The following PARD6A variants were observed in gnomAD, a reference collection of about 807,000 sequenced individuals.
The protein encoded by PARD6A is par-6 family cell polarity regulator alpha, also known as partitioning defective 6 homolog alpha.
PARD6A carries 20 observed loss-of-function variants against 21.3 expected under a neutral mutation model. That is an observed-to-expected ratio of 0.94 (90% confidence interval 0.66 to 1.36). PARD6A has a LOEUF of 1.36. Among genes scored for constraint, PARD6A ranks in the 40% most tolerant of loss-of-function variants. PARD6A has a pLI of 0.00. For missense variants in PARD6A, 411 were observed against 482.0 expected (o/e 0.85, Z 1.38); for synonymous variants, 214 against 204.8 (o/e 1.04, Z -0.38).
rs763498443 is a variant in PARD6A, at chr16:67,662,572, C to T, written c.963C>T (p.Ser321=). 1 of 1,612,618 alleles carries T rather than the reference C, an allele frequency of 6.2e-7. No homozygotes were observed. The highest frequency in any genetic ancestry group is 8.5e-7 in the Non-Finnish European group (1 of 1,179,848). Residue 321 remains serine, a synonymous_variant, in exon 3 of 3, where the codon TCC becomes TCT. Coordinates refer to ENST00000458121, the MANE Select transcript of PARD6A (RefSeq NM_001037281.2). The surrounding 1 kb of genome is among the most constrained non-coding windows in gnomAD (Gnocchi z 6.9). ...CTGGTACCCGCAGCTCTCTGCCCTC[C>T]CTGGATGACCAGGAGCAGGCCAGTT... ...RHPGTRSSLP[S]LDDQEQASSG...
chr16:67,661,835 G>A lies in PARD6A; in HGVS notation c.287-61G>A, dbSNP rs1259528264. The A allele has an allele frequency of 4.5e-6, 7 of 1,539,782 alleles. No homozygotes were observed. The highest frequency in any genetic ancestry group is 6.1e-6 in the Non-Finnish European group (7 of 1,150,774). On this transcript the variant is annotated intron_variant, in intron 2 of 2. Transcript: ENST00000458121. The surrounding 1 kb of genome is among the most constrained non-coding windows in gnomAD (Gnocchi z 7.0). ...GTAGGAAATAGCTACAGTGCCCCCT[G>A]TAAACAGCCCAAGTCGGGGAGCAGG...
In PARD6A at chr16:67,662,446, T is replaced by A; in HGVS notation, c.837T>A (p.Asp279Glu). The A allele has an allele frequency of 2.5e-6, 4 of 1,613,716 alleles. No individual in the cohort carries two copies. Among genetic ancestry groups the A allele is most frequent in the Non-Finnish European group, 3.4e-6 (4 of 1,179,940 alleles). ...GGCCTGCTGAGCCTGATAGTGACGATGACAGCAGTGACCTGGTCATTGAGA... is the reference window on the plus strand; with the variant it reads ...GGCCTGCTGAGCCTGATAGTGACGAAGACAGCAGTGACCTGGTCATTGAGA... Reference protein sequence around the residue: ...GPGPAEPDSDDDSSDLVIENR... With the variant: ...GPGPAEPDSDEDSSDLVIENR... The change falls in exon 3 of 3, where the codon GAT becomes GAA. Residue 279 changes from aspartate to glutamate, a missense_variant. Transcript: ENST00000458121. This position sits in a 1 kb window ranked among gnomAD's most constrained non-coding sequence, Gnocchi z 6.9.
Position 67,662,025 on chromosome 16 carries a change from G to A in PARD6A, c.416G>A (p.Arg139His), listed in dbSNP as rs776418775. The change falls in exon 3 of 3, where the codon CGC (arginine) becomes CAC (histidine). Residue 139 changes from arginine (R) to histidine (H), a missense_variant. By Grantham distance (29) the Arg-to-His change is conservative. Coordinates refer to ENST00000458121, the MANE Select transcript of PARD6A (RefSeq NM_001037281.2). The surrounding 1 kb of genome is among the most constrained non-coding windows in gnomAD (Gnocchi z 6.9). ...PLLISLPQDF[R>H]QVSSVIDVDL... ...CTAATCAGCCTGCCCCAAGATTTCC[G>A]CCAGGTTTCCTCAGTCATAGACGTG... 11 of 1,613,704 alleles carry A rather than the reference G, an allele frequency of 6.8e-6. No homozygotes were observed. The highest frequency in any genetic ancestry group is 4.0e-5 in the African/African-American group (3 of 74,936).
Position 67,661,699 on chromosome 16 carries a change from A to T in PARD6A, c.286+22A>T. The stretch of plus-strand genomic sequence containing the variant: ...CGGGGTGAGGAGGGGTACAGTGGGC[A>T]GCCTCTGTGGGGTAAGGTGTCTGTG... On this transcript the variant is annotated intron_variant, in intron 2 of 2. Transcript: ENST00000458121. The surrounding 1 kb of genome is among the most constrained non-coding windows in gnomAD (Gnocchi z 7.0). The T allele has an allele frequency of 6.2e-7, 1 of 1,602,450 alleles. No homozygotes were observed. The highest frequency in any genetic ancestry group is 8.5e-7 in the Non-Finnish European group (1 of 1,178,830).
Position 67,660,966 on chromosome 16 carries a change from G to C in PARD6A, c.-73G>C, listed in dbSNP as rs887175410. 8.3e-5 allele frequency: 41 copies of C among 494,960 alleles called. No homozygotes were observed. In the Admixed American group the frequency reaches 1.2e-3, roughly 15 times the overall value. 30.7% of individuals were successfully genotyped at this position (494,960 alleles called of 1,614,324 possible). A position where few individuals can be genotyped will look rare whatever the true frequency, so the allele number is the denominator to read the frequency against. ...CCGCCAGGGGCGGGGCGGCGCGGGC[G>C]GGCCGGCCGGGCTGTGCACCTGCGC... On this transcript the variant is annotated 5_prime_UTR_variant, in exon 1 of 3. Coordinates refer to ENST00000458121, the MANE Select transcript of PARD6A (RefSeq NM_001037281.2).
At position 67,661,706 on chromosome 16, in the gene PARD6A, G is replaced by A. The variant is rs2053020874; in HGVS notation, c.286+29G>A. ...AGGAGGGGTACAGTGGGCAGCCTCT[G>A]TGGGGTAAGGTGTCTGTGGGGCAGG... is the stretch of plus-strand genomic sequence containing the variant. On this transcript the variant is annotated intron_variant, in intron 2 of 2. Transcript: ENST00000458121. The surrounding 1 kb of genome is among the most constrained non-coding windows in gnomAD (Gnocchi z 7.0). The A allele has an allele frequency of 6.3e-7, 1 of 1,598,488 alleles. No individual in the cohort carries two copies. The highest frequency in any genetic ancestry group is 8.5e-7 in the Non-Finnish European group (1 of 1,177,342).
At position 67,662,712 on chromosome 16, in the gene PARD6A, GT is replaced by G; in HGVS notation, c.*70del. The G allele has an allele frequency of 2.1e-6, 3 of 1,401,788 alleles. No individual in the cohort carries two copies. The highest frequency in any genetic ancestry group is 2.8e-6 in the Non-Finnish European group (3 of 1,058,982). 86.8% of individuals were successfully genotyped at this position (1,401,788 alleles called of 1,614,324 possible). A position where few individuals can be genotyped will look rare whatever the true frequency, so the allele number is the denominator to read the frequency against. On this transcript the variant is annotated 3_prime_UTR_variant, in exon 3 of 3. Coordinates refer to ENST00000458121, the MANE Select transcript of PARD6A (RefSeq NM_001037281.2). The surrounding 1 kb of genome is among the most constrained non-coding windows in gnomAD (Gnocchi z 6.9). ...ACATGGCAGGGACTTCACAGTGGGG[GT>G]TTTTAGCTGGCTCACAGGGCTCCCT...
chr16:67,662,348 C>G lies in PARD6A; in HGVS notation c.739C>G (p.Pro247Ala). 1 of 1,614,116 alleles carries G rather than the reference C, an allele frequency of 6.2e-7. No homozygotes were observed. Among genetic ancestry groups the G allele is most frequent in the Non-Finnish European group, 8.5e-7 (1 of 1,180,036 alleles). The change falls in exon 3 of 3, where the codon CCC (proline) becomes GCC (alanine). Residue 247 changes from proline to alanine, a missense_variant. Coordinates refer to ENST00000458121, the MANE Select transcript of PARD6A (RefSeq NM_001037281.2). The surrounding 1 kb of genome is among the most constrained non-coding windows in gnomAD (Gnocchi z 6.9). ...NSHNLIVTVK[P>A]ANQRNNVVRG... is the part of the protein sequence containing the mutation. The stretch of plus-strand genomic sequence containing the variant: ...CCATAACCTCATTGTCACTGTCAAG[C>G]CCGCCAACCAGCGCAATAACGTGGT...
In PARD6A at chr16:67,662,465, A is replaced by AT; in HGVS notation, c.858dup (p.Glu287Ter). 1 of 1,613,566 alleles carries AT rather than the reference A, an allele frequency of 6.2e-7. No homozygotes were observed. Among genetic ancestry groups the AT allele is most frequent in the Non-Finnish European group, 8.5e-7 (1 of 1,179,924 alleles). ...TGACGATGACAGCAGTGACCTGGTCATTGAGAACCGCCAGCCTCCCAGTTC... is the reference window on the plus strand; with the variant it reads ...TGACGATGACAGCAGTGACCTGGTCATTTGAGAACCGCCAGCCTCCCAGTTC... On this transcript the variant is annotated frameshift_variant, in exon 3 of 3. Coordinates refer to ENST00000458121, the MANE Select transcript of PARD6A (RefSeq NM_001037281.2). LOFTEE classifies it high-confidence loss of function. The surrounding 1 kb of genome is among the most constrained non-coding windows in gnomAD (Gnocchi z 6.9).
Position 67,661,646 on chromosome 16 carries a change from C to A in PARD6A, c.255C>A (p.Pro85=). ...TGCACCGGGCCCTGGCCAGCGGGCC[C>A]CCGCCACTGCGCCTACTGGTGCAGA... ...DSLHRALASG[P]PPLRLLVQKR... Residue 85 remains proline, a synonymous_variant, in exon 2 of 3, where the codon CCC becomes CCA. Coordinates refer to ENST00000458121, the MANE Select transcript of PARD6A (RefSeq NM_001037281.2). This position sits in a 1 kb window ranked among gnomAD's most constrained non-coding sequence, Gnocchi z 7.0. 1 of 1,608,208 alleles carries A rather than the reference C, an allele frequency of 6.2e-7. No individual in the cohort carries two copies. The highest frequency in any genetic ancestry group is 1.1e-5 in the South Asian group (1 of 91,046).
In PARD6A at chr16:67,662,554, C is replaced by G; in HGVS notation, c.945C>G (p.Thr315=). ...ACCCTGGCTGCCGACATCCTGGTAC[C>G]CGCAGCTCTCTGCCCTCCCTGGATG... ...DLHPGCRHPG[T]RSSLPSLDDQ... Residue 315 remains threonine, a synonymous_variant, in exon 3 of 3, where the codon ACC becomes ACG. Transcript: ENST00000458121. This position sits in a 1 kb window ranked among gnomAD's most constrained non-coding sequence, Gnocchi z 6.9. 1 of 1,613,080 alleles carries G rather than the reference C, an allele frequency of 6.2e-7. No homozygotes were observed. The highest frequency in any genetic ancestry group is 8.5e-7 in the Non-Finnish European group (1 of 1,179,982).
Position 67,661,529 on chromosome 16 carries a change from G to A in PARD6A, c.138G>A (p.Leu46=). The stretch of plus-strand genomic sequence containing the variant: ...GCTTCCAGGAGTTCTCGCGGTTGCT[G>A]CGGGCGGTGCACCAGATCCCGGGCC... ...VSGFQEFSRL[L]RAVHQIPGLD... is the part of the protein sequence containing the mutation. Residue 46 remains leucine (L), a synonymous_variant, in exon 2 of 3, where the codon CTG becomes CTA. Coordinates refer to ENST00000458121, the MANE Select transcript of PARD6A (RefSeq NM_001037281.2). This position sits in a 1 kb window ranked among gnomAD's most constrained non-coding sequence, Gnocchi z 7.0. 1 of 1,610,190 alleles carries A rather than the reference G, an allele frequency of 6.2e-7. No homozygotes were observed. Among genetic ancestry groups the A allele is most frequent in the Non-Finnish European group, 8.5e-7 (1 of 1,179,982 alleles).
rs754074047 is a variant in PARD6A at position 67,661,497 on chromosome 16, G to T, written c.106G>T (p.Val36Leu). Reference sequence around the variant, plus strand: ...ACGCTTCGCGCTGCCTCGCGCTTCGGTGAGCGGCTTCCAGGAGTTCTCGCG... The same window carrying T: ...ACGCTTCGCGCTGCCTCGCGCTTCGTTGAGCGGCTTCCAGGAGTTCTCGCG... Reference protein sequence around the residue: ...FRRFALPRASVSGFQEFSRLL... With the variant: ...FRRFALPRASLSGFQEFSRLL... Residue 36 changes from valine to leucine, a missense_variant, in exon 2 of 3, where the codon GTG becomes TTG. Coordinates refer to ENST00000458121, the MANE Select transcript of PARD6A (RefSeq NM_001037281.2). The surrounding 1 kb of genome is among the most constrained non-coding windows in gnomAD (Gnocchi z 7.0). 6.2e-7 allele frequency: 1 copy of T among 1,609,656 alleles called. No individual in the cohort carries two copies. Among genetic ancestry groups the T allele is most frequent in the South Asian group, 1.1e-5 (1 of 91,086 alleles).
In PARD6A at chr16:67,661,529, G is replaced by C. The variant is rs781313616; in HGVS notation, c.138G>C (p.Leu46=). 1 of 1,610,072 alleles carries C rather than the reference G, an allele frequency of 6.2e-7. No homozygotes were observed. Among genetic ancestry groups the C allele is most frequent in the African/African-American group, 1.3e-5 (1 of 74,930 alleles). ...GCTTCCAGGAGTTCTCGCGGTTGCTGCGGGCGGTGCACCAGATCCCGGGCC... is the reference window on the plus strand; with the variant it reads ...GCTTCCAGGAGTTCTCGCGGTTGCTCCGGGCGGTGCACCAGATCCCGGGCC... ...VSGFQEFSRL[L]RAVHQIPGLD... Residue 46 remains leucine (L), a synonymous_variant, in exon 2 of 3, where the codon CTG becomes CTC. Transcript: ENST00000458121. This position sits in a 1 kb window ranked among gnomAD's most constrained non-coding sequence, Gnocchi z 7.0.
rs1317082160 is a variant in PARD6A at position 67,662,647 on chromosome 16, ACAGT to A, written c.*4_*7del. The A allele has an allele frequency of 2.0e-5, 31 of 1,555,428 alleles. No homozygotes were observed. The highest frequency in any genetic ancestry group is 2.7e-5 in the African/African-American group (2 of 74,006). On this transcript the variant is annotated 3_prime_UTR_variant, in exon 3 of 3. Coordinates refer to ENST00000458121, the MANE Select transcript of PARD6A (RefSeq NM_001037281.2). This position sits in a 1 kb window ranked among gnomAD's most constrained non-coding sequence, Gnocchi z 6.9. ...GAGATGGTAGTGGCTTCAGCCTCTG[ACAGT>A]CAGGATGAAGCCCCATGCCACTCCA...
At position 67,661,683 on chromosome 16, in the gene PARD6A, G is replaced by A. The variant is rs1567644575; in HGVS notation, c.286+6G>A. On this transcript the variant is annotated splice_donor_region_variant and intron_variant, in intron 2 of 2. Coordinates refer to ENST00000458121, the MANE Select transcript of PARD6A (RefSeq NM_001037281.2). This position sits in a 1 kb window ranked among gnomAD's most constrained non-coding sequence, Gnocchi z 7.0. ...CCTACTGGTGCAGAAGCGGGGTGAG[G>A]AGGGGTACAGTGGGCAGCCTCTGTG... 3 of 1,605,852 alleles carry A rather than the reference G, an allele frequency of 1.9e-6. No homozygotes were observed. The highest frequency in any genetic ancestry group is 2.5e-6 in the Non-Finnish European group (3 of 1,179,544).
Position 67,662,656 on chromosome 16 carries a change from A to G in PARD6A, c.*9A>G. On this transcript the variant is annotated 3_prime_UTR_variant, in exon 3 of 3. Coordinates refer to ENST00000458121, the MANE Select transcript of PARD6A (RefSeq NM_001037281.2). This position sits in a 1 kb window ranked among gnomAD's most constrained non-coding sequence, Gnocchi z 6.9. ...GTGGCTTCAGCCTCTGACAGTCAGG[A>G]TGAAGCCCCATGCCACTCCACACTG... 3.3e-6 allele frequency: 5 copies of G among 1,533,584 alleles called. No homozygotes were observed. The South Asian group carries it at 3.8e-5, about 12-fold the overall frequency. 95.0% of individuals were successfully genotyped at this position (1,533,584 alleles called of 1,614,324 possible).
In PARD6A at chr16:67,661,896, A is replaced by T; in HGVS notation, c.287A>T (p.Glu96Val). The T allele has an allele frequency of 1.9e-6, 3 of 1,584,804 alleles. No individual in the cohort carries two copies. Among genetic ancestry groups the T allele is most frequent in the Non-Finnish European group, 2.6e-6 (3 of 1,169,010 alleles). Residue 96 changes from glutamate to valine, a missense_variant and splice_region_variant, in exon 3 of 3, where the codon GAA (glutamate) becomes GTA (valine). Coordinates refer to ENST00000458121, the MANE Select transcript of PARD6A (RefSeq NM_001037281.2). The surrounding 1 kb of genome is among the most constrained non-coding windows in gnomAD (Gnocchi z 7.0). ...PPLRLLVQKREADSSGLAFAS... is the reference protein window; with the variant it reads ...PPLRLLVQKRVADSSGLAFAS... ...CAACATCCCCCCTCTTCTGCAGCAG[A>T]AGCTGACTCCAGCGGCCTGGCTTTT... is the stretch of plus-strand genomic sequence containing the variant.
At position 67,662,724 on chromosome 16, in the gene PARD6A, C is replaced by T. The variant is rs1291111392; in HGVS notation, c.*77C>T. ...CTTCACAGTGGGGGTTTTTAGCTGGCTCACAGGGCTCCCTCAGCCTGGGGA... is the reference window on the plus strand; with the variant it reads ...CTTCACAGTGGGGGTTTTTAGCTGGTTCACAGGGCTCCCTCAGCCTGGGGA... On this transcript the variant is annotated 3_prime_UTR_variant, in exon 3 of 3. Transcript: ENST00000458121. This position sits in a 1 kb window ranked among gnomAD's most constrained non-coding sequence, Gnocchi z 6.9. 2 of 1,301,790 alleles carry T rather than the reference C, an allele frequency of 1.5e-6. No individual in the cohort carries two copies. The highest frequency in any genetic ancestry group is 2.8e-5 in the Admixed American group (1 of 35,500). 80.6% of individuals were successfully genotyped at this position (1,301,790 alleles called of 1,614,324 possible).
Sources: allele counts gnomAD v4.1 joint callset, GRCh38; gene constraint gnomAD v4.1.1; non-coding constraint Gnocchi (gnomAD v3.1); transcripts MANE v1.5; gene names NCBI Gene and HGNC (gene_info 2026-07-23, HGNC 2026-07-21).